The following GRIN2B variants were observed in gnomAD, a reference collection of about 807,000 sequenced individuals.
GRIN2B encodes glutamate receptor ionotropic, NMDA 2B.
Under a neutral mutation model 114.5 loss-of-function variants are expected in GRIN2B, and 5 were observed. The ratio of observed to expected loss-of-function variants is 0.04; its 90% CI spans 0.02 to 0.09. The LOEUF is 0.09. Among genes scored for constraint, GRIN2B ranks in the 10% least tolerant of loss-of-function variants. The pLI is 1.00. For missense variants in GRIN2B, 1,108 were observed against 1,943.5 expected (o/e 0.57, Z 8.08); for synonymous variants, 787 against 745.1 (o/e 1.06, Z -0.92).
intron 5 of GRIN2B, among the ~76,000 whole-genome samples, chr12:13,665,184 T>C (rs1949962869): frequency 6.6e-6 from 1 of 151,710 alleles, no homozygotes. Flanking sequence ...TGTGTGTGTG[T>C]GTGTGTGATA....
chr12:13,970,347 A>C (rs1867853773), intron 2 of GRIN2B, among the ~76,000 whole-genome samples: 1 of 152,222 alleles, frequency 6.6e-6, no homozygotes, highest in Non-Finnish European at 1.5e-5. Flanking sequence ...CATCAGCCTA[A>C]AGCTGGCACT....
intron 4 of GRIN2B, among the ~76,000 whole-genome samples, chr12:13,681,413 A>T (rs1449355661): frequency 6.6e-6 from 1 of 152,016 alleles, no homozygotes; most frequent in Non-Finnish European, 1.5e-5. Flanking sequence ...GGTTTTTCAT[A>T]TCTCTCATTT....
intron 4 of GRIN2B, among the ~76,000 whole-genome samples, chr12:13,715,918 G>T (rs998694190): frequency 2.0e-5 from 3 of 151,816 alleles, no homozygotes; most frequent in African/African-American, 7.3e-5. Context: ...TATCTCTATG[G>T]GATGTGGTGA....
At chr12:13,802,308 T>A (rs1056005586) in intron 3 of GRIN2B, among the ~76,000 whole-genome samples, 1 of 151,320 alleles carries the variant, frequency 6.6e-6, no homozygotes, top group African/African-American at 2.4e-5. Flanking sequence ...AAGCACAAAT[T>A]TTTTTTCCAT....
At chr12:13,600,222 T>G (rs533928100) in intron 10 of GRIN2B, among the ~76,000 whole-genome samples, 31 of 152,224 alleles carry the variant, frequency 2.0e-4, no homozygotes, top group African/African-American at 7.2e-4. Flanking sequence ...CCTTCCTCTT[T>G]CCCCTCATAC....
intron 10 of GRIN2B, among the ~76,000 whole-genome samples, chr12:13,606,111 C>T (rs1565472820): frequency 6.6e-6 from 1 of 152,224 alleles, no homozygotes; most frequent in Non-Finnish European, 1.5e-5. Context: ...GACAAGTCTA[C>T]ACATGGGGCA....
intron 4 of GRIN2B, among the ~76,000 whole-genome samples, chr12:13,701,525 A>C (rs983317407): frequency 6.6e-6 from 1 of 152,022 alleles, no homozygotes; most frequent in South Asian, 2.1e-4. Context: ...AAAAAAAAAA[A>C]AAAAGAAAAA....
intron 3 of GRIN2B, among the ~76,000 whole-genome samples, chr12:13,812,089 G>A (rs897164200): frequency 2.6e-5 from 4 of 152,142 alleles, no homozygotes; most frequent in African/African-American, 9.7e-5. Flanking sequence ...TCTGTATTCT[G>A]AAGACATACT....
Position 13,753,607 on chromosome 12 carries a change from G to T in GRIN2B, c.720C>A (p.Ile240=). ...LYCTKEEATY[I]FEVANSVGLT... is the part of the protein sequence containing the mutation. ...GCCCTACTGAGTTGGCCACTTCAAA[G>T]ATGTAGGTGGCTTCTTCCTTGGTAC... The change falls in exon 4 of 14, where the codon ATC becomes ATA. Residue 240 remains isoleucine, a synonymous_variant. Transcript: ENST00000609686. The surrounding 1 kb of genome is among the most constrained non-coding windows in gnomAD (Gnocchi z 6.2). The T allele has an allele frequency of 6.2e-7, 1 of 1,614,188 alleles. No homozygotes were observed. The highest frequency in any genetic ancestry group is 1.1e-5 in the South Asian group (1 of 91,076).
At chr12:13,913,092 G>C (rs897248571) in intron 2 of GRIN2B, among the ~76,000 whole-genome samples, 1 of 152,148 alleles carries the variant, frequency 6.6e-6, no homozygotes, top group African/African-American at 2.4e-5. Context: ...GAAAGCTACT[G>C]TCCCATGTGA....
intron 4 of GRIN2B, among the ~76,000 whole-genome samples, chr12:13,730,817 CA>C (rs1298526384): frequency 1.3e-5 from 2 of 152,104 alleles, no homozygotes; most frequent in East Asian, 1.9e-4. Context: ...GTTAAGTGTA[CA>C]AAAAAAGGGA....
chr12:13,952,304 G>A (rs1867498431), intron 2 of GRIN2B, among the ~76,000 whole-genome samples: 1 of 152,138 alleles, frequency 6.6e-6, no homozygotes, highest in African/African-American at 2.4e-5. Context: ...CTCAATAACA[G>A]TCCCCGTTGT....
chr12:13,627,208 A>G (rs1333368023), intron 5 of GRIN2B, among the ~76,000 whole-genome samples: 3 of 152,308 alleles, frequency 2.0e-5, no homozygotes, highest in East Asian at 3.9e-4. Flanking sequence ...TGACAGCATC[A>G]GAGTCCCGGT....
intron 5 of GRIN2B, among the ~76,000 whole-genome samples, chr12:13,620,124 T>C (rs1477370650): frequency 6.6e-6 from 1 of 152,176 alleles, no homozygotes; most frequent in Non-Finnish European, 1.5e-5. Flanking sequence ...GAGACCCTCA[T>C]TTTGAGCTGT....
chr12:13,737,459 C>G (rs571659263), intron 4 of GRIN2B, among the ~76,000 whole-genome samples: 58 of 152,274 alleles, frequency 3.8e-4, no homozygotes, highest in Non-Finnish European at 7.9e-4. Flanking sequence ...GATCTGCCTG[C>G]CTCAGCCTCC....
chr12:13,961,829 C>T (rs1039169607), intron 2 of GRIN2B, among the ~76,000 whole-genome samples: 8 of 152,048 alleles, frequency 5.3e-5, no homozygotes, highest in Non-Finnish European at 1.0e-4. Flanking sequence ...TGTCTTCCTC[C>T]CTTAGAGTGG....
Position 13,662,138 on chromosome 12 carries a change from T to G in GRIN2B, c.1125+13607A>C, listed in dbSNP as rs563428962. 3.3e-5 allele frequency among the ~76,000 whole-genome samples: 5 copies of G among 152,342 alleles called. No homozygotes were observed. In the South Asian group the frequency reaches 8.3e-4, roughly 25 times the overall value. The stretch of plus-strand genomic sequence containing the variant: ...ACAATGAAGGTTAATGCTTCTTGAT[T>G]TTTTGGAAAAATCAAGCATAAATAT... On this transcript the variant is annotated intron_variant, in intron 5 of 13. Transcript: ENST00000609686.
chr12:13,770,953 A>C (rs1863896642), intron 3 of GRIN2B, among the ~76,000 whole-genome samples: 1 of 152,174 alleles, frequency 6.6e-6, no homozygotes, highest in Non-Finnish European at 1.5e-5. Flanking sequence ...TGATTTCGAC[A>C]ACTGGTTTCT....
chr12:13,581,767 A>G (rs10219518), intron 10 of GRIN2B, among the ~76,000 whole-genome samples: 7,608 of 152,094 alleles, frequency 0.05, 689 homozygotes, highest in African/African-American at 0.17. Context: ...AAAATTAGCC[A>G]GGTGTGGTGG....
Sources: gnomAD v4.1 joint callset for allele counts (sites outside exome capture counted in the v4.1 genomes callset) on GRCh38, gnomAD v4.1.1 for gene constraint, Gnocchi (gnomAD v3.1) non-coding constraint, MANE v1.5 for transcripts, NCBI Gene and HGNC (gene_info 2026-07-23, HGNC 2026-07-21) for gene names.